HAVCR1: variants seen among roughly 807,000 people sequenced by gnomAD.
HAVCR1 encodes T cell immunoglobin domain and mucin domain protein 1.
HAVCR1 carries 34 observed loss-of-function variants against 32.0 expected under a neutral mutation model. The ratio of observed to expected loss-of-function variants is 1.06; its 90% CI spans 0.81 to 1.42. The LOEUF (loss-of-function observed/expected upper bound fraction) is 1.42. Ranked by LOEUF, HAVCR1 falls within the 40% of genes most tolerant of loss-of-function variation. The pLI, the probability that HAVCR1 is intolerant of heterozygous loss-of-function variation, is 0.00. For synonymous variants in HAVCR1, 178 were observed against 170.3 expected (o/e 1.05, Z -0.35); for missense variants, 420 against 442.3 (o/e 0.95, Z 0.45).
intron 8 of HAVCR1, among the ~76,000 whole-genome samples, chr5:157,031,004 G>T: frequency 1.4e-5 from 1 of 68,976 alleles, no homozygotes. Context: ...ATTTGTTAGT[G>T]TGGGTTTTTT....
chr5:157,051,404 C>A (rs1755727561), intron 4 of HAVCR1, among the ~76,000 whole-genome samples: 1 of 152,042 alleles, frequency 6.6e-6, no homozygotes, highest in African/African-American at 2.4e-5. Flanking sequence ...TAGATCAGGG[C>A]AAACTCATCC....
intron 5 of HAVCR1, among the ~76,000 whole-genome samples, chr5:157,044,431 G>GA (rs1353064603): frequency 0.02 from 490 of 24,258 alleles, 12 homozygotes; most frequent in East Asian, 0.03. Context: ...GAGAAAGAAA[G>GA]AAAGAAAGAA....
At chr5:157,048,965 T>G (rs1755579365) in intron 5 of HAVCR1, 73 bp downstream of exon 5, 2 of 854,456 alleles carry the variant, frequency 2.3e-6, no homozygotes, top group Non-Finnish European at 4.1e-6. Context: ...TTCCAGAGCG[T>G]GTGCTCTCAA....
Position 157,044,663 on chromosome 5 carries a change from A to AAGAAAG in HAVCR1, c.782-1987_782-1982dup, listed in dbSNP as rs1554090581. On this transcript the variant is annotated intron_variant, in intron 5 of 8. Transcript: ENST00000523175. ...AAAGAAAGAAAGAAAGAAAGAAAGA[A>AAGAAAG]AGAAAGAAAGAAAGGAGGGAGGGAG... is the stretch of plus-strand genomic sequence containing the variant. Among the ~76,000 whole-genome samples the AAGAAAG allele has an allele frequency of 8.5e-3, 1,198 of 141,588 alleles. 70 individuals carry two copies. The highest frequency in any genetic ancestry group is 0.031 in the African/African-American group (1,123 of 36,290). 92.9% of individuals were successfully genotyped at this position (141,588 alleles called of 152,430 possible).
intron 3 of HAVCR1, among the ~76,000 whole-genome samples, chr5:157,054,935 T>G (rs1222291176): frequency 6.6e-6 from 1 of 152,210 alleles, no homozygotes; most frequent in Admixed American, 6.5e-5. Context: ...GATTTTGGTA[T>G]CAAGGGGGTC....
At chr5:157,039,568 C>G (rs956803552) in intron 6 of HAVCR1, among the ~76,000 whole-genome samples, 2 of 152,174 alleles carry the variant, frequency 1.3e-5, no homozygotes, top group Non-Finnish European at 2.9e-5. Context: ...AGGCTGGTCT[C>G]AAACTCCTGA....
chr5:157,057,411 G>GAAAT (rs1756251891), intron 2 of HAVCR1, among the ~76,000 whole-genome samples: 3 of 114,936 alleles, frequency 2.6e-5, no homozygotes, highest in African/African-American at 9.3e-5. Context: ...AAGAAAGAAA[G>GAAAT]AAAGAAAGAA....
At chr5:157,056,725 T>G (rs1273560691) in intron 2 of HAVCR1, among the ~76,000 whole-genome samples, 2 of 152,140 alleles carry the variant, frequency 1.3e-5, no homozygotes. Flanking sequence ...GTATCATTTT[T>G]TTGGATTACA....
intron 5 of HAVCR1, among the ~76,000 whole-genome samples, chr5:157,044,615 G>GAAAGAAAGAAAGAAAGAAAGAGAA (rs760337335): frequency 5.9e-4 from 31 of 52,684 alleles, no homozygotes; most frequent in South Asian, 1.7e-3. Context: ...AAGAAAGAAA[G>GAAAGAAAGAAAGAAAGAAAGAGAA]AGAAAGAAAG....
At chr5:157,046,232 G>A (rs966652731) in intron 5 of HAVCR1, among the ~76,000 whole-genome samples, 17 of 152,156 alleles carry the variant, frequency 1.1e-4, no homozygotes, top group Admixed American at 1.1e-3. Context: ...TGAGTACAAT[G>A]AGTCATACAC....
At chr5:157,052,216 A>G in intron 4 of HAVCR1, 145 bp downstream of exon 4, 1 of 681,402 alleles carries the variant, frequency 1.5e-6, no homozygotes, top group African/African-American at 1.8e-5. Flanking sequence ...GGAGTTGGGG[A>G]GGATCACAAA....
chr5:157,035,418 C>T (rs1754466847), intron 7 of HAVCR1, among the ~76,000 whole-genome samples: 2 of 152,120 alleles, frequency 1.3e-5, no homozygotes, highest in South Asian at 4.1e-4. Context: ...AACTAGGGTT[C>T]TTTTATGGGA....
In HAVCR1 at chr5:157,057,391, GAAAGAAAGAAAGAAAGAAA is replaced by G. The variant is rs1756238622; in HGVS notation, c.46+488_46+506del. On this transcript the variant is annotated intron_variant, in intron 2 of 8. Transcript: ENST00000523175. ...GAGAGAGAGAGAGAGAGAGAGGAAA[GAAAGAAAGAAAGAAAGAAA>G]GAAAGAAAGAAAGAAAGAAAGAAAG... 4.9e-3 allele frequency among the ~76,000 whole-genome samples: 51 copies of G among 10,502 alleles called. 1 individual carries two copies. The highest frequency in any genetic ancestry group is 8.1e-3 in the Non-Finnish European group (14 of 1,724). The allele number at this position is 10,502 out of a possible 152,430, so 6.9% of individuals were successfully genotyped here. A position where few individuals can be genotyped will look rare whatever the true frequency, so the allele number is the denominator to read the frequency against.
chr5:157,044,615 G>GAAAGAGAAAGAAAGAAAGAA (rs760337335), intron 5 of HAVCR1, among the ~76,000 whole-genome samples: 3 of 52,724 alleles, frequency 5.7e-5, no homozygotes, highest in Non-Finnish European at 7.8e-5. Flanking sequence ...AAGAAAGAAA[G>GAAAGAGAAAGAAAGAAAGAA]AGAAAGAAAG....
At chr5:157,066,108 T>C in the HAVCR1 span, among the ~76,000 whole-genome samples, 1 of 131,214 alleles carries the variant, frequency 7.6e-6, no homozygotes, top group Non-Finnish European at 1.6e-5. Context: ...AATACAGAAA[T>C]GGAAGCAGCC....
chr5:157,064,342 A>G, the HAVCR1 span, among the ~76,000 whole-genome samples: 4 of 125,430 alleles, frequency 3.2e-5, no homozygotes, highest in Admixed American at 8.7e-5. Flanking sequence ...GTCTCTACAA[A>G]AAAAAAAAAA....
chr5:157,048,344 T>C (rs1263714996), intron 5 of HAVCR1, among the ~76,000 whole-genome samples: 2 of 152,194 alleles, frequency 1.3e-5, no homozygotes, highest in African/African-American at 4.8e-5. Flanking sequence ...AACAAGGTAA[T>C]ATGCATGTGG....
At chr5:157,037,095 A>C (rs1394864052) in intron 7 of HAVCR1, 152 bp downstream of exon 7, 14 of 647,418 alleles carry the variant, frequency 2.2e-5, no homozygotes, top group Admixed American at 1.1e-4. Context: ...CTTGAGGTAG[A>C]TGGTATTACC....
Position 157,042,636 on chromosome 5 carries a change from G to A in HAVCR1, c.828C>T (p.Asn276=). 2 of 1,587,936 alleles carry A rather than the reference G, an allele frequency of 1.3e-6. No homozygotes were observed. The highest frequency in any genetic ancestry group is 1.1e-5 in the South Asian group (1 of 90,042). Residue 276 remains asparagine (N), a synonymous_variant, in exon 6 of 9, where the codon AAC becomes AAT. Coordinates refer to ENST00000523175, the MANE Select transcript of HAVCR1 (RefSeq NM_001173393.3). ...VTESSDGLWN[N]NQTQLFLEHS... is the part of the protein sequence containing the mutation. ...GGCGGAATATGCTTACAGTTTGATT[G>A]TTATTCCAAAGGCCATCTGAAGACT...
Sources: allele counts gnomAD v4.1 joint callset (sites outside exome capture counted in the v4.1 genomes callset), GRCh38; gene constraint gnomAD v4.1.1; transcripts MANE v1.5; gene names NCBI Gene and HGNC (gene_info 2026-07-23, HGNC 2026-07-21).